The following AGPS variants were observed in gnomAD, a reference collection of about 807,000 sequenced individuals.
The protein encoded by AGPS is alkyldihydroxyacetonephosphate synthase, peroxisomal.
In AGPS, 26 loss-of-function variants were observed where a neutral mutation model predicts 90.7. That is an observed-to-expected ratio of 0.29 (90% CI 0.21 to 0.40). The LOEUF is 0.40. Among genes scored for constraint, AGPS ranks in the 10% least tolerant of loss-of-function variants. The probability of loss-of-function intolerance (pLI) is 1.00; values close to 1 mark genes in which losing one functional copy is unlikely to be tolerated. For missense variants in AGPS, 540 were observed against 816.1 expected (o/e 0.66, Z 4.12); for synonymous variants, 294 against 285.3 (o/e 1.03, Z -0.31).
At chr2:177,459,810 A>G (rs1421262372) in intron 8 of AGPS, among the ~76,000 whole-genome samples, 1 of 152,234 alleles carries the variant, frequency 6.6e-6, no homozygotes, top group Non-Finnish European at 1.5e-5. Context: ...CAATCCCATT[A>G]CTGGGTATAT....
Position 177,521,274 on chromosome 2 carries a change from C to G in AGPS, c.1703C>G (p.Thr568Arg). Residue 568 changes from threonine (T) to arginine (R), a missense_variant, in exon 18 of 20, where the codon ACG becomes AGG. Around this residue, in one of 2 missense-constraint regions of AGPS, gnomAD observed 405 missense variants for 692.1 expected, o/e 0.59. Coordinates refer to ENST00000264167, the MANE Select transcript of AGPS (RefSeq NM_003659.4). ...GGATTTTGTTTGTTTTTTAGGGTGA[C>G]GCAGACTTACGATGCAGGTGCTTGT... The part of the protein sequence containing the change: ...QFAPFSTCRV[T>R]QTYDAGACIY... 6.2e-7 allele frequency: 1 copy of G among 1,613,904 alleles called. No individual in the cohort carries two copies. The highest frequency in any genetic ancestry group is 8.5e-7 in the Non-Finnish European group (1 of 1,179,830).
At chr2:177,463,373 G>A (rs57541536) in intron 9 of AGPS, among the ~76,000 whole-genome samples, 16,985 of 152,196 alleles carry the variant, frequency 0.11, 1,227 homozygotes, top group East Asian at 0.34. Context: ...TCTCTGGTGT[G>A]TAGTAGGTGC....
intron 17 of AGPS, among the ~76,000 whole-genome samples, chr2:177,517,639 C>G (rs559163243): frequency 1.3e-5 from 2 of 152,128 alleles, no homozygotes; most frequent in African/African-American, 4.8e-5. Context: ...ATTTACATTG[C>G]TTTTAAATTT....
intron 6 of AGPS, among the ~76,000 whole-genome samples, chr2:177,442,001 A>T (rs981040401): frequency 1.3e-5 from 2 of 152,198 alleles, no homozygotes; most frequent in African/African-American, 2.4e-5. Context: ...TGAATCTCAT[A>T]ATTGTGGTAA....
intron 7 of AGPS, 115 bp downstream of exon 7, chr2:177,442,601 C>T (rs931975070): frequency 2.3e-6 from 2 of 869,682 alleles, no homozygotes; most frequent in African/African-American, 3.4e-5. Context: ...AATCCCAGCA[C>T]CTGGGGAGGC....
At chr2:177,488,921 G>T (rs765473032) in intron 11 of AGPS, among the ~76,000 whole-genome samples, 25 of 152,118 alleles carry the variant, frequency 1.6e-4, no homozygotes, top group Non-Finnish European at 3.2e-4. Flanking sequence ...CCTCAGACAT[G>T]TGAAATATAT....
intron 2 of AGPS, among the ~76,000 whole-genome samples, chr2:177,424,489 A>G (rs1174556107): frequency 6.6e-6 from 1 of 152,016 alleles, no homozygotes; most frequent in Non-Finnish European, 1.5e-5. Context: ...TAATGTCTGT[A>G]TGCCTCTGAA....
chr2:177,490,183 T>G (rs1688209398), intron 11 of AGPS, among the ~76,000 whole-genome samples: 1 of 152,196 alleles, frequency 6.6e-6, no homozygotes, highest in Non-Finnish European at 1.5e-5. Flanking sequence ...TTATAGAACC[T>G]TCCATTTAAT....
chr2:177,531,939 G>A (rs1417671333), intron 19 of AGPS, among the ~76,000 whole-genome samples: 2 of 151,904 alleles, frequency 1.3e-5, no homozygotes, highest in Admixed American at 6.6e-5. Context: ...GCGGGGGGAA[G>A]AACTCTGACC....
chr2:177,513,390 C>G (rs568131675), intron 16 of AGPS, among the ~76,000 whole-genome samples: 2 of 152,210 alleles, frequency 1.3e-5, no homozygotes, highest in Admixed American at 1.3e-4. Flanking sequence ...ATGCACCCAG[C>G]CTGAGTTATT....
chr2:177,483,780 G>C (rs1688015306), intron 11 of AGPS, among the ~76,000 whole-genome samples: 2 of 152,124 alleles, frequency 1.3e-5, no homozygotes, highest in Non-Finnish European at 2.9e-5. Flanking sequence ...GAGGAGGATT[G>C]GAGATAAGTT....
intron 18 of AGPS, among the ~76,000 whole-genome samples, chr2:177,522,871 G>T (rs1222083685): frequency 1.3e-5 from 2 of 152,102 alleles, no homozygotes; most frequent in African/African-American, 4.8e-5. Context: ...AATTTTGAGA[G>T]GCCCAAGGTA....
chr2:177,482,288 T>A, intron 11 of AGPS, 102 bp downstream of exon 11: 1 of 634,906 alleles, frequency 1.6e-6, no homozygotes, highest in Non-Finnish European at 2.4e-6. Flanking sequence ...TTACAACTAA[T>A]CTTCATTTTT....
chr2:177,523,555 A>G (rs929260361), intron 18 of AGPS, among the ~76,000 whole-genome samples, 193 bp from the exon 19 acceptor site: 6 of 152,214 alleles, frequency 3.9e-5, no homozygotes, highest in African/African-American at 1.2e-4. Context: ...TATTCACTAG[A>G]AAAAAACTTA....
intron 10 of AGPS, among the ~76,000 whole-genome samples, chr2:177,480,484 A>G (rs1196659903): frequency 6.6e-6 from 1 of 152,014 alleles, no homozygotes. Context: ...AGGACAAAAA[A>G]GCCAAACACC....
intron 1 of AGPS, among the ~76,000 whole-genome samples, chr2:177,408,258 TTAG>T (rs1685518230): frequency 1.3e-5 from 2 of 152,316 alleles, no homozygotes; most frequent in East Asian, 1.9e-4. Flanking sequence ...TCCATGACTC[TTAG>T]TAGTCATGGC....
At chr2:177,514,705 G>A (rs765530630) in intron 17 of AGPS, among the ~76,000 whole-genome samples, 10 of 151,900 alleles carry the variant, frequency 6.6e-5, no homozygotes, top group South Asian at 4.2e-4. Context: ...CCTAGTACTA[G>A]TGTTGTGTTT....
chr2:177,481,825 A>C (rs898360135), intron 10 of AGPS, among the ~76,000 whole-genome samples: 3 of 152,028 alleles, frequency 2.0e-5, no homozygotes, highest in Non-Finnish European at 4.4e-5. Flanking sequence ...AAAATGTTGA[A>C]AAATATTTGT....
In AGPS at chr2:177,445,762, C is replaced by T; in HGVS notation, c.870+136C>T. 4.7e-6 allele frequency: 3 copies of T among 632,988 alleles called. No individual in the cohort carries two copies. In the South Asian group the frequency reaches 6.9e-5, roughly 14 times the overall value. The allele number at this position is 632,988 out of a possible 1,614,324, so 39.2% of individuals were successfully genotyped here. A position where few individuals can be genotyped will look rare whatever the true frequency, so the allele number is the denominator to read the frequency against. ...ACCTTTTATGATACATTCATTCACT[C>T]AAAGAATTTGTTTAGTTTCTATTAT... On this transcript the variant is annotated intron_variant, in intron 8 of 19. Coordinates refer to ENST00000264167, the MANE Select transcript of AGPS (RefSeq NM_003659.4).
Sources: allele counts gnomAD v4.1 joint callset (sites outside exome capture counted in the v4.1 genomes callset), GRCh38; gene constraint gnomAD v4.1.1; regional missense constraint gnomAD v4.1.1; transcripts MANE v1.5; gene names NCBI Gene and HGNC (gene_info 2026-07-23, HGNC 2026-07-21).